GLI2: variants seen among roughly 807,000 people sequenced by gnomAD.
GLI2 encodes the protein transcription activator GLI2.
Under a neutral mutation model 78.9 loss-of-function variants are expected in GLI2, and 22 were observed. That is an observed-to-expected ratio of 0.28 (90% CI 0.20 to 0.40). GLI2 has a LOEUF of 0.40. GLI2 is among the 10% of genes least tolerant of loss of function. The pLI is 1.00. For synonymous variants in GLI2, 974 were observed against 963.7 expected, an observed-to-expected ratio of 1.01 and a Z score of -0.20; for missense variants, 2,097 against 2,213.2, an observed-to-expected ratio of 0.95 and a Z score of 1.05.
chr2:120,919,611 G>A (rs1339910749), intron 2 of GLI2, among the ~76,000 whole-genome samples: 1 of 152,236 alleles, frequency 6.6e-6, no homozygotes, highest in South Asian at 2.1e-4. Context: ...TGCTCCAAAG[G>A]AGTCTCTCTC....
intron 1 of GLI2, among the ~76,000 whole-genome samples, chr2:120,786,281 C>T (rs6724515): frequency 6.6e-6 from 1 of 152,154 alleles, no homozygotes; most frequent in Non-Finnish European, 1.5e-5. Context: ...CAGCCCAGCT[C>T]CTTTCTCAAG....
intron 2 of GLI2, among the ~76,000 whole-genome samples, chr2:120,915,236 G>A (rs1253183137): frequency 1.3e-5 from 2 of 152,214 alleles, no homozygotes; most frequent in African/African-American, 2.4e-5. Context: ...GTGCGTGGGC[G>A]GACCCAGCAG....
chr2:120,753,796 GC>G, intron 1 of GLI2, among the ~76,000 whole-genome samples: 1 of 152,020 alleles, frequency 6.6e-6, no homozygotes, highest in East Asian at 1.9e-4. Context: ...TACTCGGGAG[GC>G]CGAGGCAGGA....
At chr2:120,915,073 T>C (rs1008537665) in intron 2 of GLI2, among the ~76,000 whole-genome samples, 9 of 152,206 alleles carry the variant, frequency 5.9e-5, no homozygotes, top group Non-Finnish European at 1.3e-4. Context: ...CCCTGGAATG[T>C]GCAGGTCCCT....
At chr2:120,851,401 C>T (rs943660416) in intron 2 of GLI2, among the ~76,000 whole-genome samples, 8 of 152,204 alleles carry the variant, frequency 5.3e-5, no homozygotes, top group Non-Finnish European at 7.4e-5. Context: ...AAATGCAGCC[C>T]GTGGGCCCCC....
In GLI2 at chr2:120,870,589, C is replaced by T. The variant is rs528613490; in HGVS notation, c.149-56772C>T. 4.6e-5 allele frequency among the ~76,000 whole-genome samples: 7 copies of T among 152,286 alleles called. No homozygotes were observed. The East Asian group carries it at 1.3e-3, about 29-fold the overall frequency. On this transcript the variant is annotated intron_variant, in intron 2 of 13. Coordinates refer to ENST00000361492, the MANE Select transcript of GLI2 (RefSeq NM_001374353.1). ...GACACCTGCCGGAATGTGAACTTCACGGATAGCGCTGGCTCACACCTGTGT... is the reference window on the plus strand; with the variant it reads ...GACACCTGCCGGAATGTGAACTTCATGGATAGCGCTGGCTCACACCTGTGT...
chr2:120,834,073 A>G (rs1386681033), intron 2 of GLI2, among the ~76,000 whole-genome samples: 18 of 152,152 alleles, frequency 1.2e-4, no homozygotes, highest in Admixed American at 9.2e-4. Flanking sequence ...CCGCCACATC[A>G]TCTTGCCCAG....
chr2:120,908,256 G>T (rs1478957262), intron 2 of GLI2, among the ~76,000 whole-genome samples: 1 of 152,212 alleles, frequency 6.6e-6, no homozygotes, highest in South Asian at 2.1e-4. Context: ...CCTGAGTGGG[G>T]CTGGCCATTG....
At chr2:120,877,353 C>T (rs1233625462) in intron 2 of GLI2, among the ~76,000 whole-genome samples, 2 of 152,174 alleles carry the variant, frequency 1.3e-5, no homozygotes, top group East Asian at 1.9e-4. Flanking sequence ...AATGGCCACG[C>T]ATCCTTCAAA....
intron 1 of GLI2, among the ~76,000 whole-genome samples, chr2:120,747,193 T>C (rs770192054): frequency 6.6e-6 from 1 of 152,238 alleles, no homozygotes; most frequent in Admixed American, 6.5e-5. Flanking sequence ...TCCAGCAGTA[T>C]GTACCTAGCT....
At chr2:120,808,282 C>A (rs1416331126) in intron 2 of GLI2, among the ~76,000 whole-genome samples, 1 of 152,284 alleles carries the variant, frequency 6.6e-6, no homozygotes, top group African/African-American at 2.4e-5. Context: ...GTGATGGTGG[C>A]CAGGGTGGGG....
intron 13 of GLI2, among the ~76,000 whole-genome samples, chr2:120,987,719 C>A (rs72837377): frequency 1.3e-5 from 2 of 152,174 alleles, no homozygotes; most frequent in Non-Finnish European, 2.9e-5. Flanking sequence ...CCTTCCTGAG[C>A]TGCTCATCCC....
Position 120,986,589 on chromosome 2 carries a change from C to G in GLI2, c.2217C>G (p.Thr739=), listed in dbSNP as rs941125473. Residue 739 remains threonine, a synonymous_variant, in exon 13 of 14, where the codon ACC becomes ACG. Coordinates refer to ENST00000361492, the MANE Select transcript of GLI2 (RefSeq NM_001374353.1). ...GGCCGACTCCACACACGCGGAACAC[C>G]AAGCTGCCTCCCCTCCCGGGAAGTG... ...WAGPTPHTRN[T]KLPPLPGSGS... The G allele has an allele frequency of 6.2e-7, 1 of 1,614,084 alleles. No homozygotes were observed. The highest frequency in any genetic ancestry group is 2.2e-5 in the East Asian group (1 of 44,872).
chr2:120,739,462 G>A (rs1373286333), intron 1 of GLI2, among the ~76,000 whole-genome samples: 4 of 152,220 alleles, frequency 2.6e-5, no homozygotes, highest in Non-Finnish European at 5.9e-5. Context: ...TAGGGCAGCT[G>A]GCCTTTTCCT....
At chr2:120,954,974 G>A (rs1322192876) in intron 4 of GLI2, among the ~76,000 whole-genome samples, 1 of 152,096 alleles carries the variant, frequency 6.6e-6, no homozygotes, top group Non-Finnish European at 1.5e-5. Flanking sequence ...AGAGTAGGGA[G>A]AGATTGTTTA....
intron 5 of GLI2, among the ~76,000 whole-genome samples, chr2:120,958,540 C>T (rs1473100425): frequency 6.6e-6 from 1 of 152,128 alleles, no homozygotes; most frequent in Admixed American, 6.5e-5. Flanking sequence ...CATCCAGCAT[C>T]CCCATCTTTA....
intron 2 of GLI2, among the ~76,000 whole-genome samples, chr2:120,890,135 G>C (rs1677607830): frequency 6.6e-6 from 1 of 152,208 alleles, no homozygotes; most frequent in African/African-American, 2.4e-5. Context: ...GCAGTGAAAA[G>C]GGACAAACCA....
chr2:120,808,978 C>T (rs557127028), intron 2 of GLI2, among the ~76,000 whole-genome samples: 9 of 152,230 alleles, frequency 5.9e-5, no homozygotes, highest in African/African-American at 1.9e-4. Flanking sequence ...AGCTCCAGGT[C>T]ATCAGGGAGG....
chr2:120,765,759 T>C (rs1441895320), intron 1 of GLI2, among the ~76,000 whole-genome samples: 1 of 152,224 alleles, frequency 6.6e-6, no homozygotes, highest in Non-Finnish European at 1.5e-5. Flanking sequence ...CTTTCTCCGT[T>C]GCAGTCAGGT....
Sources: gnomAD v4.1 joint callset for allele counts (sites outside exome capture counted in the v4.1 genomes callset) on GRCh38, gnomAD v4.1.1 for gene constraint, MANE v1.5 for transcripts, NCBI Gene and HGNC (gene_info 2026-07-23, HGNC 2026-07-21) for gene names.